The following DDX23 variants were observed in gnomAD, a reference collection of about 807,000 sequenced individuals.
DDX23 encodes the protein probable ATP-dependent RNA helicase DDX23.
Under a neutral mutation model 102.7 loss-of-function variants are expected in DDX23, and 33 were observed. The observed-to-expected ratio is 0.32, with a 90% confidence interval of 0.24 to 0.43. DDX23 has a LOEUF of 0.43. DDX23 is among the 20% of genes least tolerant of loss of function. DDX23 has a pLI of 1.00. For synonymous variants in DDX23, 352 were observed against 376.0 expected, an observed-to-expected ratio of 0.94 and a Z score of 0.74; for missense variants, 549 against 1,086.6, an observed-to-expected ratio of 0.51 and a Z score of 6.96.
chr12:48,841,503 G>C (rs1360818905), intron 3 of DDX23, among the ~76,000 whole-genome samples: 2 of 152,192 alleles, frequency 1.3e-5, no homozygotes, highest in East Asian at 1.9e-4. Context: ...GTCTCCCTCT[G>C]ATGCTGAGCC....
chr12:48,839,646 T>C, intron 5 of DDX23, 198 bp downstream of exon 5: 1 of 547,248 alleles, frequency 1.8e-6, no homozygotes, highest in Non-Finnish European at 3.3e-6. Flanking sequence ...GGGAGGACCA[T>C]GTGAAGAGCT....
intron 3 of DDX23, among the ~76,000 whole-genome samples, chr12:48,842,230 G>A (rs1300038232): frequency 1.3e-5 from 2 of 149,796 alleles, no homozygotes; most frequent in Non-Finnish European, 3.0e-5. Context: ...AGGTGGGGGG[G>A]TCATCCCCCC....
chr12:48,839,775 A>G, intron 5 of DDX23, 69 bp downstream of exon 5: 1 of 1,514,020 alleles, frequency 6.6e-7, no homozygotes, highest in Admixed American at 1.9e-5. Flanking sequence ...TCTGTCGTTG[A>G]AGTCACCCAG....
At chr12:48,844,652 T>C (rs1331798101) in intron 2 of DDX23, among the ~76,000 whole-genome samples, 1 of 148,458 alleles carries the variant, frequency 6.7e-6, no homozygotes, top group Non-Finnish European at 1.5e-5. Context: ...TTTTTATTTT[T>C]AGTAGAGATC....
rs188250268 is a variant in DDX23 at position 48,835,383 on chromosome 12, G to A, written c.1382+738C>T. Among the ~76,000 whole-genome samples, 613 of 152,120 alleles carry A rather than the reference G, an allele frequency of 4.0e-3. 2 individuals carry two copies. Among genetic ancestry groups the A allele is most frequent in the African/African-American group, 0.014 (565 of 41,488 alleles). On this transcript the variant is annotated intron_variant, in intron 11 of 16. Coordinates refer to ENST00000308025, the MANE Select transcript of DDX23 (RefSeq NM_004818.3). ...AGATCGGGAGTTTGAGACCAGCCTG[G>A]CCAACATGGTGAAACCTCATCTCTA...
Position 48,844,164 on chromosome 12 carries a change from G to C in DDX23, c.210-114C>G, listed in dbSNP as rs1370646862. ...CCAAAGTAATGTTTTACAAATTAGAGAATGTATCTCTCACGGAAATAACGA... is the reference window on the plus strand; with the variant it reads ...CCAAAGTAATGTTTTACAAATTAGACAATGTATCTCTCACGGAAATAACGA... On this transcript the variant is annotated intron_variant, in intron 2 of 16. Coordinates refer to ENST00000308025, the MANE Select transcript of DDX23 (RefSeq NM_004818.3). 1.4e-5 allele frequency: 13 copies of C among 946,784 alleles called. No individual in the cohort carries two copies. In the Admixed American group the frequency reaches 2.2e-4, roughly 16 times the overall value. The allele number at this position is 946,784 out of a possible 1,614,324, so 58.6% of individuals were successfully genotyped here. A position where few individuals can be genotyped will look rare whatever the true frequency, so the allele number is the denominator to read the frequency against.
At position 48,829,769 on chromosome 12, in the gene DDX23, A is replaced by G. The variant is rs1181852387; in HGVS notation, c.*700T>C. The G allele has an allele frequency of 5.0e-6, 1 of 201,424 alleles. No individual in the cohort carries two copies. Among genetic ancestry groups the G allele is most frequent in the Non-Finnish European group, 1.0e-5 (1 of 97,706 alleles). The allele number at this position is 201,424 out of a possible 1,614,324, so 12.5% of individuals were successfully genotyped here. A position where few individuals can be genotyped will look rare whatever the true frequency, so the allele number is the denominator to read the frequency against. On this transcript the variant is annotated 3_prime_UTR_variant, in exon 17 of 17. Coordinates refer to ENST00000308025, the MANE Select transcript of DDX23 (RefSeq NM_004818.3). The stretch of plus-strand genomic sequence containing the variant: ...TAGAACTAGATCTAACAGTCTTAAT[A>G]TTCATGTATTTATTCTCAGAACATA...
chr12:48,844,017 C>A lies in DDX23; in HGVS notation c.243G>T (p.Lys81Asn), dbSNP rs1456668870. The change falls in exon 3 of 17, where the codon AAG becomes AAT. Residue 81 changes from lysine to asparagine, a missense_variant. Coordinates refer to ENST00000308025, the MANE Select transcript of DDX23 (RefSeq NM_004818.3). ...ERRHKERERD[K>N]ERDRNKKDRD... ...GGTCCTTCTTATTCCGATCCCGCTC[C>A]TTATCTCGTTCTCGTTCTTTGTGCC... The A allele has an allele frequency of 1.2e-6, 2 of 1,614,040 alleles. No individual in the cohort carries two copies. The highest frequency in any genetic ancestry group is 2.7e-5 in the African/African-American group (2 of 74,916).
Position 48,836,400 on chromosome 12 carries a change from G to T in DDX23, c.1237-134C>A. The T allele has an allele frequency of 7.8e-7, 1 of 1,283,274 alleles. No individual in the cohort carries two copies. The allele number at this position is 1,283,274 out of a possible 1,614,324, so 79.5% of individuals were successfully genotyped here. On this transcript the variant is annotated intron_variant, in intron 10 of 16. Transcript: ENST00000308025. The surrounding 1 kb of genome is among the most constrained non-coding windows in gnomAD (Gnocchi z 6.1). ...CAGTTCACAGAAATAGGGACCCCAA[G>T]AAGAAACCTAATCACTAAAAGCCAA...
At position 48,845,730 on chromosome 12, in the gene DDX23, T is replaced by G; in HGVS notation, c.53A>C (p.Glu18Ala). 1 of 1,614,194 alleles carries G rather than the reference T, an allele frequency of 6.2e-7. No individual in the cohort carries two copies. The highest frequency in any genetic ancestry group is 1.3e-5 in the African/African-American group (1 of 75,050). ...KKDRDASPSK[E>A]ERKRSRTPDR... The stretch of plus-strand genomic sequence containing the variant: ...AGGAGTCCGTGATCGCTTCCTTTCC[T>G]CCTTGGAAGGTGATGCATCACGGTC... Residue 18 changes from glutamate to alanine, a missense_variant, in exon 2 of 17, where the codon GAG becomes GCG. Glu to Ala is a moderately radical substitution (Grantham distance 107, BLOSUM62 -1). This residue lies in a region of DDX23 where 241 missense variants were observed against 267.0 expected (regional missense o/e 0.90). Transcript: ENST00000308025.
chr12:48,832,325 C>A lies in DDX23; in HGVS notation c.1955+97G>T, dbSNP rs938924900. On this transcript the variant is annotated intron_variant, in intron 14 of 16. Coordinates refer to ENST00000308025, the MANE Select transcript of DDX23 (RefSeq NM_004818.3). This position sits in a 1 kb window ranked among gnomAD's most constrained non-coding sequence, Gnocchi z 4.4. ...CCAAGAAAACAGCAGCTCTTCAACACAGCAGAGCAATTGCCCTGCCCTGCA... is the reference window on the plus strand; with the variant it reads ...CCAAGAAAACAGCAGCTCTTCAACAAAGCAGAGCAATTGCCCTGCCCTGCA... 5.2e-5 allele frequency: 80 copies of A among 1,552,204 alleles called. No individual in the cohort carries two copies. The highest frequency in any genetic ancestry group is 6.8e-5 in the Non-Finnish European group (77 of 1,135,226).
chr12:48,837,287 T>A lies in DDX23; in HGVS notation c.860A>T (p.Asn287Ile). 1 of 1,613,284 alleles carries A rather than the reference T, an allele frequency of 6.2e-7. No individual in the cohort carries two copies. The highest frequency in any genetic ancestry group is 8.5e-7 in the Non-Finnish European group (1 of 1,179,578). Residue 287 changes from asparagine to isoleucine, a missense_variant, in exon 8 of 17, where the codon AAC (asparagine) becomes ATC (isoleucine). By Grantham distance (149) the Asn-to-Ile change is moderately radical. Transcript: ENST00000308025. ...DASEDTSIDY[N>I]PLYKERHQVQ... The stretch of plus-strand genomic sequence containing the variant: ...CAGGCCTGAAGCCACTCACAGGGGG[T>A]TGTAGTCAATGGATGTGTCCTCAGA...
intron 3 of DDX23, among the ~76,000 whole-genome samples, chr12:48,842,000 T>A (rs1938561228): frequency 1.5e-5 from 2 of 137,756 alleles, no homozygotes; most frequent in South Asian, 4.9e-4. Context: ...GGCCGCCCCG[T>A]CTGAGAAGTG....
In DDX23 at chr12:48,829,876, C is replaced by CT. The variant is rs1211905860; in HGVS notation, c.*592_*593insA. On this transcript the variant is annotated 3_prime_UTR_variant, in exon 17 of 17. Coordinates refer to ENST00000308025, the MANE Select transcript of DDX23 (RefSeq NM_004818.3). The stretch of plus-strand genomic sequence containing the variant: ...ACACAGCCAGTTCACCGTGTCCCCC[C>CT]ATCTACTTAGAAAATCCCCTGGGGG... The CT allele has an allele frequency of 3.9e-6, 1 of 256,858 alleles. No individual in the cohort carries two copies. Among genetic ancestry groups the CT allele is most frequent in the Non-Finnish European group, 7.6e-6 (1 of 130,954 alleles). 15.9% of individuals were successfully genotyped at this position (256,858 alleles called of 1,614,324 possible). A position where few individuals can be genotyped will look rare whatever the true frequency, so the allele number is the denominator to read the frequency against.
rs369521246 is a variant in DDX23 at position 48,844,061 on chromosome 12, G to A, written c.210-11C>T. ...TTGTGCCGTCGTTCTCTGGAAGACC[G>A]CAAATTTAAGAGTTCACTTGGTATT... On this transcript the variant is annotated splice_polypyrimidine_tract_variant and intron_variant, in intron 2 of 16. Coordinates refer to ENST00000308025, the MANE Select transcript of DDX23 (RefSeq NM_004818.3). 3.2e-5 allele frequency: 51 copies of A among 1,613,212 alleles called. No homozygotes were observed. Among genetic ancestry groups the A allele is most frequent in the South Asian group, 4.4e-5 (4 of 91,072 alleles).
At chr12:48,839,709 C>G in intron 5 of DDX23, 135 bp downstream of exon 5, 3 of 834,566 alleles carry the variant, frequency 3.6e-6, no homozygotes, top group Non-Finnish European at 5.6e-6. Context: ...AAGAAATAAC[C>G]CTGCTGACAC....
chr12:48,840,269 T>G lies in DDX23; in HGVS notation c.321-163A>C, dbSNP rs1938529190. 7.2e-6 allele frequency: 5 copies of G among 696,888 alleles called. No homozygotes were observed. The Admixed American group carries it at 1.0e-4, about 14-fold the overall frequency. 43.2% of individuals were successfully genotyped at this position (696,888 alleles called of 1,614,324 possible). A position where few individuals can be genotyped will look rare whatever the true frequency, so the allele number is the denominator to read the frequency against. ...ACTCTCTTAGCAGGCATGGTCATTC[T>G]GCCAGCTCTGAAACCTAATTATGGC... On this transcript the variant is annotated intron_variant, in intron 3 of 16. Coordinates refer to ENST00000308025, the MANE Select transcript of DDX23 (RefSeq NM_004818.3).
intron 15 of DDX23, 151 bp downstream of exon 15, chr12:48,831,927 C>T (rs1938393968): frequency 1.4e-6 from 1 of 699,892 alleles, no homozygotes; most frequent in African/African-American, 1.8e-5. Context: ...TCTTTATTCC[C>T]TCAAACCACC....
intron 11 of DDX23, among the ~76,000 whole-genome samples, chr12:48,835,817 G>C (rs1020604592): frequency 6.6e-6 from 1 of 152,180 alleles, no homozygotes; most frequent in Non-Finnish European, 1.5e-5. Flanking sequence ...CCTGAACCTG[G>C]GAGGCAAAAG....
Sources: gnomAD v4.1 joint callset for allele counts (sites outside exome capture counted in the v4.1 genomes callset) on GRCh38, gnomAD v4.1.1 for gene constraint, gnomAD v4.1.1 regional missense constraint, Gnocchi (gnomAD v3.1) non-coding constraint, MANE v1.5 for transcripts, NCBI Gene and HGNC (gene_info 2026-07-23, HGNC 2026-07-21) for gene names.